The following KDM2B variants were observed in gnomAD, a reference collection of about 807,000 sequenced individuals.
KDM2B encodes the protein lysine-specific demethylase 2B.
A neutral mutation model predicts 150.0 loss-of-function variants in KDM2B; 26 were observed. The ratio of observed to expected loss-of-function variants is 0.17; its 90% CI spans 0.13 to 0.24. The LOEUF is 0.24. Among genes scored for constraint, KDM2B ranks in the 10% least tolerant of loss-of-function variants. The probability of loss-of-function intolerance (pLI) is 1.00; values close to 1 mark genes in which losing one functional copy is unlikely to be tolerated. For synonymous variants in KDM2B, 734 were observed against 729.5 expected (o/e 1.01, Z -0.10); for missense variants, 1,265 against 1,816.9 (o/e 0.70, Z 5.52).
In KDM2B at chr12:121,509,926, C is replaced by T. The variant is rs782671546; in HGVS notation, c.1288G>A (p.Glu430Lys). Residue 430 changes from glutamate to lysine, a missense_variant, in exon 11 of 23, where the codon GAG becomes AAG. This residue lies in a region of KDM2B where 154 missense variants were observed against 162.5 expected (regional missense o/e 0.95). Transcript: ENST00000377071. ...GGTTTGGGTGCCCTGTCCCTGCCCTCGCCCTCCTCGTCCTTCTCCTCCTCC... is the reference window on the plus strand; with the variant it reads ...GGTTTGGGTGCCCTGTCCCTGCCCTTGCCCTCCTCGTCCTTCTCCTCCTCC... ...QEEEEKDEEG[E>K]GRDRAPKPPT... 1.6e-5 allele frequency: 25 copies of T among 1,612,064 alleles called. No homozygotes were observed. Among genetic ancestry groups the T allele is most frequent in the Middle Eastern group, 3.3e-4 (2 of 6,076 alleles).
At chr12:121,554,091 G>C (rs1252566790) in intron 4 of KDM2B, among the ~76,000 whole-genome samples, 1 of 121,060 alleles carries the variant, frequency 8.3e-6, no homozygotes, top group African/African-American at 2.8e-5. Flanking sequence ...ACACAAATTG[G>C]CCAAGCATGG....
At chr12:121,551,306 G>A (rs538103710) in intron 4 of KDM2B, among the ~76,000 whole-genome samples, 1 of 151,040 alleles carries the variant, frequency 6.6e-6, no homozygotes, top group African/African-American at 2.4e-5. Flanking sequence ...GAGCCTGGGA[G>A]TTTGAGACCA....
chr12:121,514,401 C>T (rs1259034120), intron 9 of KDM2B, among the ~76,000 whole-genome samples: 1 of 151,950 alleles, frequency 6.6e-6, no homozygotes, highest in East Asian at 1.9e-4. Flanking sequence ...AAGGCCTGAG[C>T]CCCGGGAGAT....
At chr12:121,474,443 G>C (rs1356510740) in intron 12 of KDM2B, among the ~76,000 whole-genome samples, 1 of 151,836 alleles carries the variant, frequency 6.6e-6, no homozygotes, top group African/African-American at 2.4e-5. Flanking sequence ...GTGAACCCGG[G>C]GGGCAGAGCT....
Position 121,549,326 on chromosome 12 carries a change from ACC to A in KDM2B, c.576+132_576+133del, listed in dbSNP as rs1310789343. ...ACAAACCACGTTACCAACCTTAGTCACCCCTATGCCTGCCAAGCCCAGCCAGC... is the reference window on the plus strand; with the variant it reads ...ACAAACCACGTTACCAACCTTAGTCACCTATGCCTGCCAAGCCCAGCCAGC... On this transcript the variant is annotated intron_variant, in intron 5 of 22. Coordinates refer to ENST00000377071, the MANE Select transcript of KDM2B (RefSeq NM_032590.5). This position sits in a 1 kb window ranked among gnomAD's most constrained non-coding sequence, Gnocchi z 4.4. The A allele has an allele frequency of 5.4e-6, 4 of 739,154 alleles. No individual in the cohort carries two copies. The African/African-American group carries it at 7.0e-5, about 13-fold the overall frequency. 45.8% of individuals were successfully genotyped at this position (739,154 alleles called of 1,614,324 possible). A position where few individuals can be genotyped will look rare whatever the true frequency, so the allele number is the denominator to read the frequency against.
intron 12 of KDM2B, among the ~76,000 whole-genome samples, chr12:121,492,078 A>G (rs1193344889): frequency 6.6e-6 from 1 of 151,938 alleles, no homozygotes; most frequent in East Asian, 1.9e-4. Context: ...GGATCGCTTG[A>G]TCCAGGGAGG....
In KDM2B at chr12:121,442,455, G is replaced by C. The variant is rs1157440467; in HGVS notation, c.2986C>G (p.Arg996Gly). ...GTGCCGTTGAGCCCCTTGCTGAAGC[G>C]GTGGGGACGCTCGCAGATGCCCGGG... ...RPPGICERPH[R>G]FSKGLNGTPR... Residue 996 changes from arginine to glycine, a missense_variant, in exon 19 of 23, where the codon CGC becomes GGC. Physicochemically the swap from Arg to Gly is moderately radical, Grantham distance 125 (BLOSUM62 -2). This residue lies in a region of KDM2B where 418 missense variants were observed against 402.4 expected (regional missense o/e 1.04). Coordinates refer to ENST00000377071, the MANE Select transcript of KDM2B (RefSeq NM_032590.5). The surrounding 1 kb of genome is among the most constrained non-coding windows in gnomAD (Gnocchi z 7.7). 1 of 1,599,772 alleles carries C rather than the reference G, an allele frequency of 6.3e-7. No individual in the cohort carries two copies. The highest frequency in any genetic ancestry group is 1.3e-5 in the African/African-American group (1 of 74,900).
At chr12:121,440,371 G>A (rs977993817) in intron 21 of KDM2B, 4 of 468,132 alleles carry the variant, frequency 8.5e-6, no homozygotes, top group East Asian at 4.2e-5. Context: ...GATCCCCATG[G>A]CTTGGCGAGA....
chr12:121,544,407 C>A (rs1408645901), intron 6 of KDM2B, among the ~76,000 whole-genome samples: 1 of 152,156 alleles, frequency 6.6e-6, no homozygotes, highest in Non-Finnish European at 1.5e-5. Flanking sequence ...GTCAGGAGCT[C>A]AAGACCAGCT....
intron 13 of KDM2B, among the ~76,000 whole-genome samples, chr12:121,449,808 T>G (rs1282407854): frequency 6.6e-6 from 1 of 152,064 alleles, no homozygotes; most frequent in African/African-American, 2.4e-5. Context: ...TCAGGATGGC[T>G]CACAAATTCC....
intron 19 of KDM2B, 67 bp from the exon 20 acceptor site, chr12:121,441,300 T>A: frequency 6.7e-7 from 1 of 1,496,116 alleles, no homozygotes. Flanking sequence ...CACACACAGC[T>A]CTTAACTGTC....
the KDM2B span, chr12:121,419,827 C>T: frequency 1.2e-4 from 19 of 160,314 alleles, no homozygotes; most frequent in Admixed American, 4.7e-4. Context: ...AAATCAGATG[C>T]CCCTGATGCT....
At chr12:121,437,335 C>T (rs1874176239) in intron 22 of KDM2B, among the ~76,000 whole-genome samples, 1 of 151,870 alleles carries the variant, frequency 6.6e-6, no homozygotes, top group African/African-American at 2.4e-5. Context: ...CACTATTTGG[C>T]TCAACAGTGA....
Position 121,520,380 on chromosome 12 carries a change from G to A in KDM2B, c.1047+605C>T, listed in dbSNP as rs1256382666. Among the ~76,000 whole-genome samples the A allele has an allele frequency of 6.6e-6, 1 of 152,138 alleles. No individual in the cohort carries two copies. The highest frequency in any genetic ancestry group is 1.5e-5 in the Non-Finnish European group (1 of 68,036). ...TGTTCGTAGGACATGGGGTGAGTGA[G>A]GGAAACTTGACGTCTGGGAAACTAG... On this transcript the variant is annotated intron_variant, in intron 9 of 22. Transcript: ENST00000377071. The surrounding 1 kb of genome is among the most constrained non-coding windows in gnomAD (Gnocchi z 4.5).
At chr12:121,446,212 G>T (rs60824988) in intron 13 of KDM2B, among the ~76,000 whole-genome samples, 1 of 152,084 alleles carries the variant, frequency 6.6e-6, no homozygotes, top group South Asian at 2.1e-4. Context: ...CGGCTACCAC[G>T]GTGAAACCCC....
intron 13 of KDM2B, 99 bp from the exon 14 acceptor site, chr12:121,445,517 GC>G: frequency 8.0e-7 from 1 of 1,247,826 alleles, no homozygotes. Flanking sequence ...CCTTGGGCCT[GC>G]CAGGAGACCC....
At chr12:121,418,784 G>C in the KDM2B span, 3 of 152,154 alleles carry the variant, frequency 2.0e-5, no homozygotes, top group African/African-American at 7.2e-5. Context: ...GAAGTGGCGA[G>C]ATCTTAGTTC....
At chr12:121,449,314 G>A (rs1421532509) in intron 13 of KDM2B, among the ~76,000 whole-genome samples, 2 of 152,114 alleles carry the variant, frequency 1.3e-5, no homozygotes, top group African/African-American at 4.8e-5. Context: ...GGAGGGTCCA[G>A]AAAAGGAAGA....
Position 121,442,956 on chromosome 12 carries a change from C to A in KDM2B, c.2604+36G>T. 1 of 1,611,498 alleles carries A rather than the reference C, an allele frequency of 6.2e-7. No homozygotes were observed. Among genetic ancestry groups the A allele is most frequent in the Non-Finnish European group, 8.5e-7 (1 of 1,178,742 alleles). On this transcript the variant is annotated intron_variant, in intron 18 of 22. Coordinates refer to ENST00000377071, the MANE Select transcript of KDM2B (RefSeq NM_032590.5). The surrounding 1 kb of genome is among the most constrained non-coding windows in gnomAD (Gnocchi z 7.7). ...GAGCTGCGGTGCAGCTCTAACCGCT[C>A]AGGCCTGGGGCACAGGAGGGAGGGG...
Sources: gnomAD v4.1 joint callset for allele counts (sites outside exome capture counted in the v4.1 genomes callset) on GRCh38, gnomAD v4.1.1 for gene constraint, gnomAD v4.1.1 regional missense constraint, Gnocchi (gnomAD v3.1) non-coding constraint, MANE v1.5 for transcripts, NCBI Gene and HGNC (gene_info 2026-07-23, HGNC 2026-07-21) for gene names.